CCDC3: variants seen among roughly 807,000 people sequenced by gnomAD.
CCDC3 encodes the protein coiled-coil domain-containing protein 3.
Under a neutral mutation model 21.4 loss-of-function variants are expected in CCDC3, and 24 were observed. That is an observed-to-expected ratio of 1.12 (90% CI 0.81 to 1.58). The LOEUF (loss-of-function observed/expected upper bound fraction) is 1.58. Among genes scored for constraint, CCDC3 ranks in the 40% most tolerant of loss-of-function variants. The pLI, the probability that CCDC3 is intolerant of heterozygous loss-of-function variation, is 0.00. For synonymous variants in CCDC3, 186 were observed against 166.0 expected (o/e 1.12, Z -0.93); for missense variants, 425 against 360.9 (o/e 1.18, Z -1.44).
intron 2 of CCDC3, among the ~76,000 whole-genome samples, chr10:12,902,801 A>G (rs1009098141): frequency 7.0e-6 from 1 of 143,660 alleles, no homozygotes; most frequent in Non-Finnish European, 1.5e-5. Flanking sequence ...GGCTAGCAAG[A>G]GGATGAATTT....
chr10:13,041,504 ATTTTTTTTTTTTTTTTTTTTTTT>A (rs71477255), intron 5 of CCDC3, among the ~76,000 whole-genome samples: 3,403 of 62,252 alleles, frequency 0.055, 149 homozygotes, highest in Admixed American at 0.23. Flanking sequence ...CTGGCAGATA[ATTTTTTTTTTTTTTTTTTTTTTT>A]TTTTTTTTTT....
intron 3 of CCDC3, among the ~76,000 whole-genome samples, chr10:13,078,669 AC>A (rs1836995888): frequency 6.6e-6 from 1 of 152,214 alleles, no homozygotes. Context: ...ACCCTGGAAT[AC>A]TATGCAGCCA....
chr10:12,901,803 T>G (rs1834097118), intron 2 of CCDC3, among the ~76,000 whole-genome samples: 1 of 152,224 alleles, frequency 6.6e-6, no homozygotes, highest in African/African-American at 2.4e-5. Context: ...CCAGTCTTAG[T>G]GTTCTTCCTT....
chr10:13,097,344 C>T (rs1252298040), intron 3 of CCDC3, among the ~76,000 whole-genome samples: 1 of 152,180 alleles, frequency 6.6e-6, no homozygotes, highest in African/African-American at 2.4e-5. Flanking sequence ...ATGAGCCAGG[C>T]GTTCTTCTAG....
chr10:12,920,296 G>C (rs1042060696), intron 2 of CCDC3, among the ~76,000 whole-genome samples: 2 of 152,138 alleles, frequency 1.3e-5, no homozygotes, highest in African/African-American at 4.8e-5. Context: ...ACAGTATGGG[G>C]GAAACAGTCC....
intron 3 of CCDC3, among the ~76,000 whole-genome samples, chr10:13,082,271 C>T (rs137962116): frequency 1.3e-4 from 20 of 152,208 alleles, no homozygotes; most frequent in Non-Finnish European, 2.5e-4. Flanking sequence ...GGTAAGGTCA[C>T]GTGGGTCACA....
At chr10:13,047,365 C>T (rs577624121) in intron 5 of CCDC3, among the ~76,000 whole-genome samples, 65 of 152,200 alleles carry the variant, frequency 4.3e-4, no homozygotes, top group African/African-American at 1.4e-3. Context: ...TTGACATCTC[C>T]GGGTGGCTCT....
chr10:12,944,588 C>A (rs1200392616), intron 2 of CCDC3, among the ~76,000 whole-genome samples: 1 of 140,778 alleles, frequency 7.1e-6, no homozygotes, highest in African/African-American at 2.5e-5. Context: ...CCACTTTGGG[C>A]ACATGTTCTC....
chr10:13,031,028 T>G (rs1438001710), intron 5 of CCDC3, among the ~76,000 whole-genome samples: 1 of 152,116 alleles, frequency 6.6e-6, no homozygotes, highest in Non-Finnish European at 1.5e-5. Context: ...CCACCCCAAA[T>G]CAACAGAATA....
chr10:13,023,944 A>G (rs975324446), intron 5 of CCDC3, among the ~76,000 whole-genome samples: 4 of 152,318 alleles, frequency 2.6e-5, no homozygotes, highest in Non-Finnish European at 5.9e-5. Context: ...AAAAAGGTTG[A>G]AAATGGGTGG....
At chr10:12,901,609 G>A (rs1246398571) in intron 2 of CCDC3, among the ~76,000 whole-genome samples, 1 of 152,174 alleles carries the variant, frequency 6.6e-6, no homozygotes, top group African/African-American at 2.4e-5. Flanking sequence ...ACGTCTCAGG[G>A]AACCTGGCCA....
At chr10:13,005,542 A>G (rs1407933605), upstream of CCDC3, among the ~76,000 whole-genome samples, 1 of 152,212 alleles carries the variant, frequency 6.6e-6, no homozygotes, top group African/African-American at 2.4e-5. Context: ...TTCAATCTCT[A>G]CCACAGCCTA....
At chr10:12,989,666 C>G (rs575620689) in intron 2 of CCDC3, among the ~76,000 whole-genome samples, 41 of 152,274 alleles carry the variant, frequency 2.7e-4, no homozygotes, top group Non-Finnish European at 4.1e-4. Flanking sequence ...AAGTGATCAG[C>G]CCACCTCAGT....
intron 2 of CCDC3, among the ~76,000 whole-genome samples, chr10:12,900,088 C>T (rs1389979284): frequency 6.6e-6 from 1 of 152,180 alleles, no homozygotes; most frequent in African/African-American, 2.4e-5. Context: ...TCATGTCAGA[C>T]ATGACTTTGA....
intron 2 of CCDC3, among the ~76,000 whole-genome samples, chr10:12,923,464 T>C (rs573309410): frequency 3.5e-4 from 53 of 152,290 alleles, no homozygotes; most frequent in Admixed American, 6.5e-4. Context: ...ACCGTTTGCA[T>C]GGCCAATGTG....
intron 2 of CCDC3, among the ~76,000 whole-genome samples, chr10:12,904,167 G>A (rs1834133948): frequency 6.6e-6 from 1 of 152,100 alleles, no homozygotes; most frequent in African/African-American, 2.4e-5. Context: ...TAACTCACTA[G>A]GCAAGACTGG....
At chr10:13,096,032 G>C (rs1431318735) in intron 3 of CCDC3, among the ~76,000 whole-genome samples, 1 of 152,042 alleles carries the variant, frequency 6.6e-6, no homozygotes, top group Non-Finnish European at 1.5e-5. Context: ...TTTGGCATCT[G>C]GGGTAGCAAG....
chr10:12,989,484 C>A (rs1811425), intron 2 of CCDC3, among the ~76,000 whole-genome samples: 1 of 152,030 alleles, frequency 6.6e-6, no homozygotes, highest in East Asian at 1.9e-4. Flanking sequence ...TGTAATGGCA[C>A]GATCTCAGCT....
At chr10:12,912,205 C>T (rs187531307) in intron 2 of CCDC3, among the ~76,000 whole-genome samples, 7 of 152,228 alleles carry the variant, frequency 4.6e-5, no homozygotes, top group Admixed American at 4.6e-4. Flanking sequence ...TTTGAGAAAA[C>T]TCCATACAGT....
Sources: gnomAD v4.1 joint callset for allele counts (sites outside exome capture counted in the v4.1 genomes callset) on GRCh38, gnomAD v4.1.1 for gene constraint, MANE v1.5 for transcripts, NCBI Gene and HGNC (gene_info 2026-07-23, HGNC 2026-07-21) for gene names.